DDX19A: variants seen among roughly 807,000 people sequenced by gnomAD.
The protein encoded by DDX19A is DEAD-box helicase 19A.
A neutral mutation model predicts 60.6 loss-of-function variants in DDX19A; 12 were observed. The observed-to-expected ratio is 0.20, with a 90% confidence interval of 0.13 to 0.32. The LOEUF is 0.32. Among genes scored for constraint, DDX19A ranks in the 10% least tolerant of loss-of-function variants. The pLI is 1.00. For missense variants in DDX19A, 337 were observed against 600.6 expected, an observed-to-expected ratio of 0.56 and a Z score of 4.59; for synonymous variants, 206 against 218.2, an observed-to-expected ratio of 0.94 and a Z score of 0.49.
At chr16:70,357,791 T>C (rs1337764753) in intron 4 of DDX19A, among the ~76,000 whole-genome samples, 2 of 152,130 alleles carry the variant, frequency 1.3e-5, no homozygotes, top group African/African-American at 2.4e-5. Context: ...GACCTACTTA[T>C]TATTCTTGCT....
chr16:70,353,912 A>C (rs995538849), intron 2 of DDX19A, among the ~76,000 whole-genome samples: 4 of 151,574 alleles, frequency 2.6e-5, no homozygotes, highest in African/African-American at 4.9e-5. Context: ...AAAAAAAAAA[A>C]AAAAAACACA....
chr16:70,368,610 C>G (rs2151644697), intron 9 of DDX19A, among the ~76,000 whole-genome samples: 1 of 150,762 alleles, frequency 6.6e-6, no homozygotes, highest in Middle Eastern at 3.4e-3. Flanking sequence ...GACGGTCTCA[C>G]TATCTTGCCC....
chr16:70,369,479 C>G (rs531891894), intron 9 of DDX19A, among the ~76,000 whole-genome samples: 1 of 151,904 alleles, frequency 6.6e-6, no homozygotes, highest in African/African-American at 2.4e-5. Context: ...CGCCTGGCCC[C>G]CAGGGTAGTC....
At chr16:70,364,415 A>G (rs548740594) in intron 5 of DDX19A, 128 bp from the exon 6 acceptor site, 42 of 659,122 alleles carry the variant, frequency 6.4e-5, no homozygotes, top group Non-Finnish European at 9.7e-5. Context: ...ATTTGTGCTC[A>G]ATGGAGAAAA....
chr16:70,365,177 T>G (rs1475632218), intron 7 of DDX19A, 46 bp downstream of exon 7: 3 of 1,373,210 alleles, frequency 2.2e-6, no homozygotes, highest in Non-Finnish European at 3.1e-6. Flanking sequence ...GGTAGGGGGT[T>G]GGGCGTTTGA....
At chr16:70,351,549 C>T (rs993094927) in intron 2 of DDX19A, among the ~76,000 whole-genome samples, 1 of 151,110 alleles carries the variant, frequency 6.6e-6, no homozygotes, top group Non-Finnish European at 1.5e-5. Context: ...TTTTTTGAGA[C>T]AGTCTCACTC....
chr16:70,353,129 C>CTTTTTTTTTTT (rs1308743627), intron 2 of DDX19A, among the ~76,000 whole-genome samples: 28 of 144,660 alleles, frequency 1.9e-4, no homozygotes, highest in African/African-American at 7.0e-4. Flanking sequence ...TTCTTTCTTT[C>CTTTTTTTTTTT]TTTTTTTTTT....
chr16:70,372,129 G>A lies in DDX19A; in HGVS notation c.*143G>A, dbSNP rs143885836. 1.1e-4 allele frequency: 154 copies of A among 1,373,462 alleles called. No individual in the cohort carries two copies. The East Asian group carries it at 3.3e-3, about 29-fold the overall frequency. 85.1% of individuals were successfully genotyped at this position (1,373,462 alleles called of 1,614,324 possible). A position where few individuals can be genotyped will look rare whatever the true frequency, so the allele number is the denominator to read the frequency against. ...ACCTACCTCACTTCAAATTATGTTT[G>A]GACTTGACAAAAATAGGTGCAAATG... is the stretch of plus-strand genomic sequence containing the variant. On this transcript the variant is annotated 3_prime_UTR_variant, in exon 12 of 12. Transcript: ENST00000302243.
intron 9 of DDX19A, among the ~76,000 whole-genome samples, chr16:70,369,556 C>G (rs1291002437): frequency 1.3e-5 from 2 of 151,792 alleles, no homozygotes; most frequent in African/African-American, 4.8e-5. Flanking sequence ...AGGCGTGAGC[C>G]ACCGTATCTT....
At chr16:70,368,649 C>T (rs1452496661) in intron 9 of DDX19A, among the ~76,000 whole-genome samples, 1 of 151,324 alleles carries the variant, frequency 6.6e-6, no homozygotes, top group Non-Finnish European at 1.5e-5. Flanking sequence ...TGGGCTCAAG[C>T]AATTCTCCTA....
At chr16:70,366,537 G>T (rs1222897470) in intron 8 of DDX19A, 87 bp from the exon 9 acceptor site, 21 of 1,555,212 alleles carry the variant, frequency 1.4e-5, no homozygotes, top group Non-Finnish European at 1.8e-5. Context: ...GCCTTCCTGG[G>T]CATCTAGACC....
chr16:70,350,659 T>C, intron 2 of DDX19A, 54 bp downstream of exon 2: 1 of 1,333,592 alleles, frequency 7.5e-7, no homozygotes, highest in East Asian at 2.3e-5. Flanking sequence ...GCCGCTGCTT[T>C]GCACTCATAG....
chr16:70,356,014 G>C (rs544207278), intron 3 of DDX19A, 98 bp from the exon 4 acceptor site: 3 of 1,506,926 alleles, frequency 2.0e-6, no homozygotes, highest in African/African-American at 2.8e-5. Flanking sequence ...AGCCGTGCTT[G>C]ACTGCCCAGG....
At chr16:70,359,433 G>T (rs528582440) in intron 4 of DDX19A, among the ~76,000 whole-genome samples, 1 of 152,304 alleles carries the variant, frequency 6.6e-6, no homozygotes, top group Admixed American at 6.5e-5. Context: ...CAGTTGGGTT[G>T]CCTTTTCTTT....
chr16:70,356,368 T>C (rs889190406), intron 4 of DDX19A, 121 bp downstream of exon 4: 28 of 1,484,120 alleles, frequency 1.9e-5, no homozygotes, highest in Non-Finnish European at 2.5e-5. Context: ...TTTCCTTTTT[T>C]TTTTCGAGAC....
rs748841085 is a variant in DDX19A at position 70,366,747 on chromosome 16, C to G, written c.906C>G (p.Thr302=). 2.1e-5 allele frequency: 34 copies of G among 1,614,204 alleles called. No homozygotes were observed. Among genetic ancestry groups the G allele is most frequent in the Non-Finnish European group, 2.8e-5 (33 of 1,180,042 alleles). The change falls in exon 9 of 12, where the codon ACC becomes ACG. Residue 302 remains threonine, a synonymous_variant. Transcript: ENST00000302243. The part of the protein sequence containing the change: ...NVIKLKREEE[T]LDTIKQYYVL... The stretch of plus-strand genomic sequence containing the variant: ...TCAAACTGAAGCGTGAGGAAGAGAC[C>G]CTGGATACCATCAAGCAGTACTATG...
intron 4 of DDX19A, among the ~76,000 whole-genome samples, chr16:70,357,383 TTTTTTTTTTTTTTTTTTTTG>T (rs1964244010): frequency 1.1e-5 from 1 of 92,164 alleles, no homozygotes; most frequent in African/African-American, 4.1e-5. Flanking sequence ...TTTTTTTTTT[TTTTTTTTTTTTTTTTTTTTG>T]AGACCAAGTC....
rs542629126 is a variant in DDX19A, at chr16:70,367,930, C to T, written c.1020+1069C>T. 3.8e-4 allele frequency among the ~76,000 whole-genome samples: 58 copies of T among 151,672 alleles called. 2 individuals carry two copies. The South Asian group carries it at 0.011, about 29-fold the overall frequency. ...GTGGCTCACGCCTGTAATCCCAACACCTTTGGAGGCCAAGGTAGAAGGATT... is the reference window on the plus strand; with the variant it reads ...GTGGCTCACGCCTGTAATCCCAACATCTTTGGAGGCCAAGGTAGAAGGATT... On this transcript the variant is annotated intron_variant, in intron 9 of 11. Coordinates refer to ENST00000302243, the MANE Select transcript of DDX19A (RefSeq NM_018332.5).
At chr16:70,352,729 G>A (rs994393407) in intron 2 of DDX19A, among the ~76,000 whole-genome samples, 2 of 148,834 alleles carry the variant, frequency 1.3e-5, no homozygotes, top group Non-Finnish European at 3.0e-5. Context: ...CTCCACCTCC[G>A]GGGTTCAAGC....
Sources: gnomAD v4.1 joint callset for allele counts (sites outside exome capture counted in the v4.1 genomes callset) on GRCh38, gnomAD v4.1.1 for gene constraint, MANE v1.5 for transcripts, NCBI Gene and HGNC (gene_info 2026-07-23, HGNC 2026-07-21) for gene names.